The following TSHZ2 variants were observed in gnomAD, a reference collection of about 807,000 sequenced individuals.
TSHZ2 encodes teashirt zinc finger homeobox 2.
TSHZ2 carries 21 observed loss-of-function variants against 74.4 expected under a neutral mutation model. The observed-to-expected ratio is 0.28, with a 90% CI of 0.20 to 0.41. The LOEUF (loss-of-function observed/expected upper bound fraction) is 0.41. Among genes scored for constraint, TSHZ2 ranks in the 10% least tolerant of loss-of-function variants. TSHZ2 has a pLI of 1.00. For missense variants in TSHZ2, 1,244 were observed against 1,293.5 expected (o/e 0.96, Z 0.59); for synonymous variants, 540 against 515.3 (o/e 1.05, Z -0.65).
At chr20:53,404,972 C>T (rs371785997) in intron 2 of TSHZ2, among the ~76,000 whole-genome samples, 1 of 152,142 alleles carries the variant, frequency 6.6e-6, no homozygotes, top group African/African-American at 2.4e-5. Flanking sequence ...TAAAGTTGGC[C>T]GGGCATGGCA....
intron 2 of TSHZ2, among the ~76,000 whole-genome samples, chr20:53,333,663 A>G (rs1454079410): frequency 6.6e-6 from 1 of 152,076 alleles, no homozygotes; most frequent in African/African-American, 2.4e-5. Flanking sequence ...TCACCATGTT[A>G]GCCAGGATGG....
chr20:53,055,510 TGTTA>T (rs1159712933), intron 1 of TSHZ2, among the ~76,000 whole-genome samples: 10 of 152,234 alleles, frequency 6.6e-5, no homozygotes, highest in African/African-American at 1.7e-4. Flanking sequence ...GTAATCCTGC[TGTTA>T]GTTATAATTT....
intron 2 of TSHZ2, among the ~76,000 whole-genome samples, chr20:53,341,518 C>G (rs529396162): frequency 3.8e-4 from 57 of 151,574 alleles, no homozygotes; most frequent in Non-Finnish European, 6.6e-4. Flanking sequence ...GAGATGGGGT[C>G]CTTACTATGT....
intron 1 of TSHZ2, among the ~76,000 whole-genome samples, chr20:53,073,777 A>G (rs531706483): frequency 1.3e-5 from 2 of 151,636 alleles, no homozygotes; most frequent in East Asian, 1.9e-4. Flanking sequence ...AAACTGGTCT[A>G]TTTTCAGTTT....
intron 2 of TSHZ2, among the ~76,000 whole-genome samples, chr20:53,341,548 C>G (rs964037851): frequency 6.6e-6 from 1 of 151,806 alleles, no homozygotes; most frequent in African/African-American, 2.4e-5. Context: ...TAGTCTCGAA[C>G]TGCTGACCTC....
intron 2 of TSHZ2, among the ~76,000 whole-genome samples, chr20:53,332,889 G>T (rs1467642499): frequency 6.6e-6 from 1 of 152,106 alleles, no homozygotes; most frequent in Admixed American, 6.6e-5. Context: ...AAAACCTACT[G>T]CATCTGGTGC....
intron 1 of TSHZ2, among the ~76,000 whole-genome samples, chr20:53,078,510 C>T (rs962654038): frequency 7.9e-5 from 12 of 152,108 alleles, no homozygotes; most frequent in East Asian, 3.8e-4. Flanking sequence ...TAACACTTTT[C>T]GATGTGGTCT....
chr20:53,229,131 C>A (rs547222079), intron 1 of TSHZ2, among the ~76,000 whole-genome samples: 13 of 152,262 alleles, frequency 8.5e-5, no homozygotes, highest in Admixed American at 7.8e-4. Context: ...AGGGGCTTGA[C>A]CCTGAGCTGG....
chr20:52,983,014 G>A (rs951849285), intron 1 of TSHZ2, among the ~76,000 whole-genome samples: 2 of 152,220 alleles, frequency 1.3e-5, no homozygotes, highest in African/African-American at 4.8e-5. Context: ...TACTTACCCA[G>A]CCCCTAGTGA....
chr20:53,069,672 CACACACACACACA>C (rs1985109359), intron 1 of TSHZ2, among the ~76,000 whole-genome samples: 1 of 15,700 alleles, frequency 6.4e-5, no homozygotes, highest in Non-Finnish European at 2.0e-4. Flanking sequence ...TACACACACA[CACACACACACACA>C]CACACACACA....
chr20:53,185,899 A>T (rs963356543), intron 1 of TSHZ2, among the ~76,000 whole-genome samples: 1 of 152,208 alleles, frequency 6.6e-6, no homozygotes, highest in Non-Finnish European at 1.5e-5. Context: ...TGATTCTTTC[A>T]TCATGGCTTT....
chr20:52,975,523 GT>G (rs1981300650), intron 1 of TSHZ2, among the ~76,000 whole-genome samples: 3 of 98,246 alleles, frequency 3.1e-5, no homozygotes, highest in African/African-American at 1.8e-4. Context: ...GTGTGTGGGG[GT>G]GTGTGTGTGT....
At chr20:53,078,843 G>A (rs184786817) in intron 1 of TSHZ2, among the ~76,000 whole-genome samples, 26 of 152,290 alleles carry the variant, frequency 1.7e-4, no homozygotes, top group South Asian at 6.2e-4. Context: ...GGTAAAAATC[G>A]TAATTCCATT....
At chr20:53,368,123 T>C (rs1981337182) in intron 2 of TSHZ2, among the ~76,000 whole-genome samples, 1 of 152,046 alleles carries the variant, frequency 6.6e-6, no homozygotes. Context: ...AGGACTGCCA[T>C]CTGATGATTC....
chr20:52,999,911 G>A (rs1982349396), intron 1 of TSHZ2, among the ~76,000 whole-genome samples: 1 of 152,180 alleles, frequency 6.6e-6, no homozygotes, highest in Non-Finnish European at 1.5e-5. Context: ...CATACTCAGT[G>A]GTTAACCAAC....
intron 1 of TSHZ2, among the ~76,000 whole-genome samples, chr20:53,214,699 CAG>C (rs973932970): frequency 4.6e-5 from 7 of 152,036 alleles, no homozygotes; most frequent in Admixed American, 2.6e-4. Context: ...ACCTGGGTGA[CAG>C]AGCAAGACTG....
chr20:53,214,941 G>A (rs754095170), intron 1 of TSHZ2, among the ~76,000 whole-genome samples: 4 of 152,126 alleles, frequency 2.6e-5, no homozygotes, highest in Non-Finnish European at 4.4e-5. Flanking sequence ...GCATTTAAAA[G>A]GTTGAGATAA....
intron 2 of TSHZ2, among the ~76,000 whole-genome samples, chr20:53,409,812 A>G (rs1346084136): frequency 5.5e-5 from 8 of 144,638 alleles, no homozygotes; most frequent in African/African-American, 1.8e-4. Flanking sequence ...GGTCTTCAGA[A>G]TTCACATCTT....
At chr20:53,391,347 G>T (rs367614626) in intron 2 of TSHZ2, among the ~76,000 whole-genome samples, 1 of 151,958 alleles carries the variant, frequency 6.6e-6, no homozygotes, top group Non-Finnish European at 1.5e-5. Context: ...GGGTTTCACC[G>T]TGTTAGCCAG....
Sources: gnomAD v4.1 joint callset for allele counts (sites outside exome capture counted in the v4.1 genomes callset) on GRCh38, gnomAD v4.1.1 for gene constraint, MANE v1.5 for transcripts, NCBI Gene and HGNC (gene_info 2026-07-23, HGNC 2026-07-21) for gene names.